The following BBX variants were observed in gnomAD, a reference collection of about 807,000 sequenced individuals.
BBX encodes the protein BBX high mobility group box domain containing.
Under a neutral mutation model 100.2 loss-of-function variants are expected in BBX, and 30 were observed. The ratio of observed to expected loss-of-function variants is 0.30; its 90% CI spans 0.22 to 0.41. The LOEUF is 0.41. Among genes scored for constraint, BBX ranks in the 10% least tolerant of loss-of-function variants. BBX has a pLI of 1.00. For synonymous variants in BBX, 376 were observed against 388.1 expected (o/e 0.97, Z 0.37); for missense variants, 1,023 against 1,129.8 (o/e 0.91, Z 1.35).
At chr3:107,551,790 T>G (rs1465238606) in intron 2 of BBX, among the ~76,000 whole-genome samples, 1 of 152,234 alleles carries the variant, frequency 6.6e-6, no homozygotes, top group East Asian at 1.9e-4. Context: ...TGTGACTCTG[T>G]GCCCTGTTAG....
At chr3:107,787,223 T>C (rs1201531672) in intron 13 of BBX, among the ~76,000 whole-genome samples, 2 of 152,172 alleles carry the variant, frequency 1.3e-5, no homozygotes, top group Non-Finnish European at 2.9e-5. Context: ...TCTTGATCTC[T>C]TGATGTCGTG....
chr3:107,639,179 T>C (rs932502896), intron 2 of BBX, among the ~76,000 whole-genome samples: 1 of 152,204 alleles, frequency 6.6e-6, no homozygotes, highest in Non-Finnish European at 1.5e-5. Context: ...TAAATTTTTT[T>C]ATTAAGAATG....
At chr3:107,613,088 C>T (rs752572239) in intron 2 of BBX, among the ~76,000 whole-genome samples, 23 of 152,124 alleles carry the variant, frequency 1.5e-4, no homozygotes, top group Non-Finnish European at 2.4e-4. Flanking sequence ...AAGCCTCAAG[C>T]GCTCTTTAGT....
intron 9 of BBX, among the ~76,000 whole-genome samples, chr3:107,752,625 T>G (rs1009842362): frequency 5.3e-5 from 8 of 152,220 alleles, no homozygotes; most frequent in African/African-American, 1.7e-4. Flanking sequence ...ATCATTTTTC[T>G]TAGCACTTTA....
intron 2 of BBX, among the ~76,000 whole-genome samples, chr3:107,634,641 T>C (rs1306460679): frequency 6.6e-6 from 1 of 152,224 alleles, no homozygotes; most frequent in Non-Finnish European, 1.5e-5. Context: ...GATTCAGAAT[T>C]GGAATCCAAA....
chr3:107,656,383 T>C (rs1266813631), intron 3 of BBX, among the ~76,000 whole-genome samples: 2 of 152,194 alleles, frequency 1.3e-5, no homozygotes, highest in Non-Finnish European at 1.5e-5. Flanking sequence ...TGAAATACTT[T>C]GGTTCCTTCT....
intron 2 of BBX, among the ~76,000 whole-genome samples, chr3:107,613,509 AAC>A (rs1159437401): frequency 2.6e-5 from 4 of 151,856 alleles, no homozygotes; most frequent in Non-Finnish European, 5.9e-5. Context: ...TGTATGTGTG[AAC>A]TATACAGAAT....
At chr3:107,723,869 A>C (rs1054022334) in intron 5 of BBX, among the ~76,000 whole-genome samples, 23 of 152,044 alleles carry the variant, frequency 1.5e-4, no homozygotes, top group Non-Finnish European at 2.9e-4. Context: ...CGCAATAAAC[A>C]TATGTGTGCA....
At chr3:107,709,275 C>T (rs1190096893) in intron 3 of BBX, among the ~76,000 whole-genome samples, 2 of 152,114 alleles carry the variant, frequency 1.3e-5, no homozygotes, top group Non-Finnish European at 2.9e-5. Context: ...GTAAGGAAGA[C>T]CTAGGCATGA....
intron 5 of BBX, among the ~76,000 whole-genome samples, chr3:107,719,001 G>A (rs1362597693): frequency 1.3e-5 from 2 of 152,122 alleles, no homozygotes; most frequent in Admixed American, 6.6e-5. Flanking sequence ...TTGCAGTTAC[G>A]TTAAAGGGCA....
At chr3:107,701,384 T>G (rs572077417) in intron 3 of BBX, among the ~76,000 whole-genome samples, 2 of 152,338 alleles carry the variant, frequency 1.3e-5, no homozygotes, top group East Asian at 1.9e-4. Flanking sequence ...TGCTTTATAC[T>G]TAAGGTATAT....
chr3:107,553,863 C>T (rs2049883563), intron 2 of BBX, among the ~76,000 whole-genome samples: 1 of 151,872 alleles, frequency 6.6e-6, no homozygotes, highest in East Asian at 1.9e-4. Flanking sequence ...TCTTTAATTC[C>T]TGAGTACTTA....
intron 2 of BBX, among the ~76,000 whole-genome samples, chr3:107,532,720 C>G (rs1204475444): frequency 6.6e-6 from 1 of 152,140 alleles, no homozygotes; most frequent in Non-Finnish European, 1.5e-5. Context: ...CACATTGACA[C>G]AAAAATTTAA....
intron 4 of BBX, 34 bp from the exon 5 acceptor site, chr3:107,716,573 G>T: frequency 6.3e-7 from 1 of 1,599,592 alleles, no homozygotes; most frequent in African/African-American, 1.3e-5. Context: ...TCCAAAATAT[G>T]TTAAAGATCT....
intron 2 of BBX, among the ~76,000 whole-genome samples, chr3:107,622,211 C>T (rs973473340): frequency 6.6e-6 from 1 of 152,152 alleles, no homozygotes; most frequent in Non-Finnish European, 1.5e-5. Context: ...CTTTTGAGAT[C>T]GCCTTCTTTC....
intron 13 of BBX, among the ~76,000 whole-genome samples, chr3:107,779,686 T>C (rs139302181): frequency 6.4e-4 from 98 of 152,270 alleles, no homozygotes; most frequent in African/African-American, 2.1e-3. Flanking sequence ...CAAAGAGATA[T>C]AATTTCATGC....
chr3:107,532,259 G>A (rs188477513), intron 2 of BBX, among the ~76,000 whole-genome samples: 118 of 151,998 alleles, frequency 7.8e-4, no homozygotes, highest in African/African-American at 2.7e-3. Flanking sequence ...ATTTCCCCTG[G>A]TTAACAGACA....
intron 3 of BBX, among the ~76,000 whole-genome samples, chr3:107,709,262 G>T (rs1298828516): frequency 6.6e-6 from 1 of 152,128 alleles, no homozygotes; most frequent in African/African-American, 2.4e-5. Flanking sequence ...ATAATTTTTT[G>T]AAGTAAGGAA....
At chr3:107,587,345 CAAAAA>C (rs1329577363) in intron 2 of BBX, among the ~76,000 whole-genome samples, 2 of 93,856 alleles carry the variant, frequency 2.1e-5, no homozygotes. Context: ...ACCCTGTCTC[CAAAAA>C]AAAAAAAAAA....
Sources: gnomAD v4.1 joint callset for allele counts (sites outside exome capture counted in the v4.1 genomes callset) on GRCh38, gnomAD v4.1.1 for gene constraint, MANE v1.5 for transcripts, NCBI Gene and HGNC (gene_info 2026-07-23, HGNC 2026-07-21) for gene names.